The following GEN1 variants were observed in gnomAD, a reference collection of about 807,000 sequenced individuals.
GEN1 encodes GEN1 structure-specific endonuclease.
Under a neutral mutation model 67.6 loss-of-function variants are expected in GEN1, and 64 were observed. The ratio of observed to expected loss-of-function variants is 0.95; its 90% CI spans 0.77 to 1.17. The LOEUF is 1.17. GEN1 is among the 50% of genes most tolerant of loss of function. The pLI is 0.00. For synonymous variants in GEN1, 371 were observed against 359.4 expected, an observed-to-expected ratio of 1.03 and a Z score of -0.37; for missense variants, 1,058 against 1,048.3, an observed-to-expected ratio of 1.01 and a Z score of -0.13.
At chr2:17,754,689 G>T (rs1344085064) in intron 1 of GEN1, 1 of 152,276 alleles carries the variant, frequency 6.6e-6, no homozygotes, top group Admixed American at 6.5e-5. Flanking sequence ...GCCCTCCCTG[G>T]TCCCCATAGG....
intron 7 of GEN1, 65 bp downstream of exon 7, chr2:17,771,352 T>C: frequency 2.1e-6 from 2 of 934,404 alleles, no homozygotes; most frequent in Non-Finnish European, 3.5e-6. Flanking sequence ...GTTCACATAG[T>C]ACTTTTTACA....
At chr2:17,779,744 G>T (rs987066481) in intron 12 of GEN1, among the ~76,000 whole-genome samples, 2 of 152,082 alleles carry the variant, frequency 1.3e-5, no homozygotes, top group Non-Finnish European at 2.9e-5. Context: ...TGGGATTATA[G>T]GCACGCACCA....
chr2:17,786,929 G>C lies in GEN1; in HGVS notation c.*4990G>C, dbSNP rs1004807172. On this transcript the variant is annotated 3_prime_UTR_variant, in exon 14 of 14. Coordinates refer to ENST00000381254, the MANE Select transcript of GEN1 (RefSeq NM_001130009.3). ...AGCAGTGGCTGCACTTAACCTTGCG[G>C]AATCTGGCCTTAGTACTTCAGCATG... is the stretch of plus-strand genomic sequence containing the variant. 6.6e-6 allele frequency: 1 copy of C among 152,138 alleles called. No individual in the cohort carries two copies. The highest frequency in any genetic ancestry group is 1.5e-5 in the Non-Finnish European group (1 of 68,056). The allele number at this position is 152,138 out of a possible 1,614,324, so 9.4% of individuals were successfully genotyped here.
intron 10 of GEN1, 21 bp downstream of exon 10, chr2:17,773,320 CT>C: frequency 7.1e-7 from 1 of 1,415,740 alleles, no homozygotes; most frequent in Non-Finnish European, 9.9e-7. Context: ...ATAAATTCTT[CT>C]TTACTGTATG....
chr2:17,761,712 T>G (rs1671689165), intron 3 of GEN1, 130 bp downstream of exon 3: 1 of 656,506 alleles, frequency 1.5e-6, no homozygotes, highest in African/African-American at 1.9e-5. Flanking sequence ...AGAAAAGAGT[T>G]TATTTTTTAG....
intron 10 of GEN1, among the ~76,000 whole-genome samples, 154 bp from the exon 11 acceptor site, chr2:17,774,117 T>C (rs912603093): frequency 1.3e-5 from 2 of 152,172 alleles, no homozygotes; most frequent in Admixed American, 6.6e-5. Context: ...GCAATAATGA[T>C]TCTTCCTTAG....
intron 8 of GEN1, 75 bp from the exon 9 acceptor site, chr2:17,773,021 G>T (rs1672266183): frequency 1.1e-6 from 1 of 948,026 alleles, no homozygotes; most frequent in African/African-American, 1.7e-5. Flanking sequence ...TAAATGGGAG[G>T]AGATTGGCTG....
intron 5 of GEN1, 151 bp from the exon 6 acceptor site, chr2:17,768,587 A>C: frequency 1.8e-6 from 1 of 563,974 alleles, no homozygotes; most frequent in Non-Finnish European, 3.2e-6. Flanking sequence ...TTTTTGTTTT[A>C]TGCATAGCAG....
intron 10 of GEN1, 96 bp from the exon 11 acceptor site, chr2:17,774,175 C>G: frequency 1.8e-6 from 1 of 549,802 alleles, no homozygotes; most frequent in Non-Finnish European, 2.9e-6. Context: ...CTTTAACTTA[C>G]GTTAATTCTA....
rs1453310498 is a variant in GEN1, at chr2:17,754,348, A to G, written c.-16+3A>G. The G allele has an allele frequency of 6.6e-6, 1 of 152,112 alleles. No individual in the cohort carries two copies. Among genetic ancestry groups the G allele is most frequent in the Non-Finnish European group, 1.5e-5 (1 of 68,052 alleles). 9.4% of individuals were successfully genotyped at this position (152,112 alleles called of 1,614,324 possible). On this transcript the variant is annotated splice_donor_region_variant and intron_variant, in intron 1 of 13. Transcript: ENST00000381254. ...GCCAAGGAGGAAGGGTTGTCCGGGT[A>G]AGTCCCGCGGGACGTGGAGAGACGG...
rs757283045 is a variant in GEN1, at chr2:17,772,624, C to G, written c.803-10C>G. Reference sequence around the variant, plus strand: ...AAAAAATATTATACTTTTTTTGGGTCTCCATAAAGGTTCACCTAAGGATCA... The same window carrying G: ...AAAAAATATTATACTTTTTTTGGGTGTCCATAAAGGTTCACCTAAGGATCA... On this transcript the variant is annotated splice_polypyrimidine_tract_variant and intron_variant, in intron 7 of 13. Transcript: ENST00000381254. 7.2e-5 allele frequency: 114 copies of G among 1,575,864 alleles called. 1 individual carries two copies. In the South Asian group the frequency reaches 1.1e-3, roughly 16 times the overall value.
chr2:17,773,319 T>A lies in GEN1; in HGVS notation c.1071+20T>A, dbSNP rs752956981. The A allele has an allele frequency of 7.0e-7, 1 of 1,425,928 alleles. No homozygotes were observed. Among genetic ancestry groups the A allele is most frequent in the Non-Finnish European group, 9.8e-7 (1 of 1,021,790 alleles). The allele number at this position is 1,425,928 out of a possible 1,614,324, so 88.3% of individuals were successfully genotyped here. On this transcript the variant is annotated intron_variant, in intron 10 of 13. Coordinates refer to ENST00000381254, the MANE Select transcript of GEN1 (RefSeq NM_001130009.3). Reference sequence around the variant, plus strand: ...TTTCAGGTATCTGAAAATAAATTCTTCTTTACTGTATGAAGTTATATGCTG... The same window carrying A: ...TTTCAGGTATCTGAAAATAAATTCTACTTTACTGTATGAAGTTATATGCTG...
chr2:17,764,873 C>G (rs1291712219), intron 3 of GEN1, 24 bp from the exon 4 acceptor site: 1 of 1,603,694 alleles, frequency 6.2e-7, no homozygotes, highest in South Asian at 1.1e-5. Context: ...TCTTTAACAT[C>G]TTGCACCTGC....
intron 4 of GEN1, among the ~76,000 whole-genome samples, chr2:17,765,715 T>C (rs1300840613): frequency 6.6e-6 from 1 of 152,198 alleles, no homozygotes; most frequent in East Asian, 1.9e-4. Context: ...TATGATGTAA[T>C]ACAGTGCAGT....
intron 1 of GEN1, chr2:17,755,170 A>T (rs916677761): frequency 1.3e-5 from 2 of 152,230 alleles, no homozygotes; most frequent in African/African-American, 4.8e-5. Context: ...AAAATATGAC[A>T]TAGTCAAAAT....
Position 17,781,811 on chromosome 2 carries a change from TTC to T in GEN1, c.2600_2601del (p.Phe867SerfsTer15). The T allele has an allele frequency of 6.2e-7, 1 of 1,612,598 alleles. No individual in the cohort carries two copies. Among genetic ancestry groups the T allele is most frequent in the Non-Finnish European group, 8.5e-7 (1 of 1,179,452 alleles). ...YETAENEESC[F>X]PDSTKSSLSS... ...AACAGCTGAAAATGAAGAAAGCTGT[TTC>T]CCAGATTCAACAAAAAGTTCTCTGA... On this transcript the variant is annotated frameshift_variant, in exon 14 of 14. Transcript: ENST00000381254. LOFTEE classifies it low-confidence loss of function (END_TRUNC).
intron 11 of GEN1, among the ~76,000 whole-genome samples, chr2:17,775,905 G>C (rs13389622): frequency 2.0e-5 from 3 of 151,996 alleles, no homozygotes; most frequent in Admixed American, 6.6e-5. Flanking sequence ...TTGGGAGACT[G>C]AGGCCGGTGG....
Position 17,781,290 on chromosome 2 carries a change from T to A in GEN1, c.2078T>A (p.Val693Asp). Residue 693 changes from valine (V) to aspartate (D), a missense_variant, in exon 14 of 14, where the codon GTC becomes GAC. Transcript: ENST00000381254. ...CCTCAGGATAATCTACAACCAGATG[T>A]CAACCTGAAAACTTTGTCCATACTT... is the stretch of plus-strand genomic sequence containing the variant. ...SYPQDNLQPD[V>D]NLKTLSILSV... is the part of the protein sequence containing the mutation. 1 of 1,613,814 alleles carries A rather than the reference T, an allele frequency of 6.2e-7. No individual in the cohort carries two copies. The highest frequency in any genetic ancestry group is 8.5e-7 in the Non-Finnish European group (1 of 1,179,766).
intron 11 of GEN1, among the ~76,000 whole-genome samples, chr2:17,776,196 G>A (rs1672424495): frequency 2.0e-5 from 3 of 150,866 alleles, no homozygotes; most frequent in South Asian, 4.2e-4. Context: ...AGTGAAAAAC[G>A]TTCTGTGGAG....
Sources: allele counts gnomAD v4.1 joint callset (sites outside exome capture counted in the v4.1 genomes callset), GRCh38; gene constraint gnomAD v4.1.1; transcripts MANE v1.5; gene names NCBI Gene and HGNC (gene_info 2026-07-23, HGNC 2026-07-21).